LARGE1: variants seen among roughly 807,000 people sequenced by gnomAD.
LARGE1 encodes the protein LARGE xylosyl- and glucuronyltransferase 1, also known as xylosyl- and glucuronyltransferase LARGE1.
LARGE1 carries 43 observed loss-of-function variants against 87.6 expected under a neutral mutation model. The observed-to-expected ratio is 0.49, with a 90% confidence interval of 0.38 to 0.63. The LOEUF (loss-of-function observed/expected upper bound fraction) is 0.63. Ranked by LOEUF, LARGE1 falls within the 30% of genes least tolerant of loss-of-function variation. LARGE1 has a pLI of 0.00. For missense variants in LARGE1, 802 were observed against 1,000.2 expected, an observed-to-expected ratio of 0.80 and a Z score of 2.67; for synonymous variants, 434 against 394.6, an observed-to-expected ratio of 1.10 and a Z score of -1.18.
the LARGE1 span, among the ~76,000 whole-genome samples, chr22:33,134,380 T>C: frequency 1.0e-3 from 151 of 150,344 alleles, no homozygotes; most frequent in African/African-American, 3.6e-3. Flanking sequence ...TGCCTCAGCC[T>C]CCCGAGTAGC....
chr22:33,141,494 CT>C, the LARGE1 span, among the ~76,000 whole-genome samples: 2 of 151,872 alleles, frequency 1.3e-5, no homozygotes, highest in African/African-American at 4.8e-5. Flanking sequence ...TATTTCTTGC[CT>C]TTTTATAGTT....
chr22:33,145,627 A>G, the LARGE1 span, among the ~76,000 whole-genome samples: 1 of 152,192 alleles, frequency 6.6e-6, no homozygotes, highest in Non-Finnish European at 1.5e-5. Context: ...GAACTTATCT[A>G]ACTGTATTCT....
chr22:33,461,832 C>T lies in LARGE1; in HGVS notation c.788-29567G>A, dbSNP rs78474487. ...ACACTCAGGATGCCCTATGGAGAGG[C>T]CCACATAGAGGAAAAATGATGCCCA... On this transcript the variant is annotated intron_variant, in intron 6 of 14. Transcript: ENST00000397394. 2.8e-3 allele frequency among the ~76,000 whole-genome samples: 433 copies of T among 152,102 alleles called. 2 individuals are homozygous for T. Among genetic ancestry groups the T allele is most frequent in the African/African-American group, 0.01 (416 of 41,472 alleles).
chr22:33,582,625 C>A (rs940393958), intron 5 of LARGE1, among the ~76,000 whole-genome samples: 1 of 152,186 alleles, frequency 6.6e-6, no homozygotes, highest in Non-Finnish European at 1.5e-5. Context: ...AGGGATTACG[C>A]CTTTCCACTG....
At chr22:33,275,931 T>TA (rs920464533) in intron 14 of LARGE1, among the ~76,000 whole-genome samples, 2 of 152,194 alleles carry the variant, frequency 1.3e-5, no homozygotes, top group Non-Finnish European at 2.9e-5. Flanking sequence ...CAAAGTATTA[T>TA]AAAAAATATG....
chr22:33,730,581 T>C (rs147983282), intron 2 of LARGE1, among the ~76,000 whole-genome samples: 2 of 152,338 alleles, frequency 1.3e-5, no homozygotes, highest in East Asian at 1.9e-4. Context: ...TCAACTGTAA[T>C]ATGACTGTAT....
intron 1 of LARGE1, among the ~76,000 whole-genome samples, chr22:33,840,731 C>T (rs1460108831): frequency 2.0e-5 from 3 of 151,804 alleles, no homozygotes; most frequent in Admixed American, 6.6e-5. Context: ...AGCACAGTGG[C>T]GTGATCACGG....
downstream of LARGE1, among the ~76,000 whole-genome samples, chr22:33,160,696 T>A (rs1253661857): frequency 6.6e-6 from 1 of 152,244 alleles, no homozygotes; most frequent in Non-Finnish European, 1.5e-5. Flanking sequence ...GATGGGAGGT[T>A]GCGTGGAGGC....
chr22:33,821,357 C>T (rs1407785777), intron 1 of LARGE1, among the ~76,000 whole-genome samples: 1 of 152,158 alleles, frequency 6.6e-6, no homozygotes, highest in Non-Finnish European at 1.5e-5. Flanking sequence ...AAGCTTGGAA[C>T]AGTGCCTGAC....
At chr22:33,890,790 G>A (rs1193852643) in intron 1 of LARGE1, among the ~76,000 whole-genome samples, 1 of 151,390 alleles carries the variant, frequency 6.6e-6, no homozygotes, top group African/African-American at 2.4e-5. Context: ...CATAATTTTG[G>A]GGTGGGGGCG....
Position 33,245,316 on chromosome 22 carries a change from G to A in LARGE1, c.1730+58913C>T, listed in dbSNP as rs140130754. 3.5e-4 allele frequency among the ~76,000 whole-genome samples: 54 copies of A among 152,286 alleles called. 1 individual carries two copies. Among genetic ancestry groups the A allele is most frequent in the African/African-American group, 1.2e-3 (48 of 41,548 alleles). ...TGACTCTCTCGTGGAGCTTTCCTGGGTGTTTTTCTGCTAGAGTTTTGGCTT... is the reference window on the plus strand; with the variant it reads ...TGACTCTCTCGTGGAGCTTTCCTGGATGTTTTTCTGCTAGAGTTTTGGCTT... On this transcript the variant is annotated intron_variant, in intron 11 of 11. Transcript: ENST00000608642.
In LARGE1 at chr22:33,180,644, G is replaced by A. The variant is rs553388388; in HGVS notation, c.1731-13812C>T. Among the ~76,000 whole-genome samples the A allele has an allele frequency of 1.0e-3, 152 of 152,318 alleles. 1 individual carries two copies. Among genetic ancestry groups the A allele is most frequent in the African/African-American group, 3.5e-3 (145 of 41,570 alleles). On this transcript the variant is annotated intron_variant, in intron 11 of 11. Coordinates refer to the LARGE1 transcript ENST00000608642. Reference sequence around the variant, plus strand: ...ACAATTATTCATAGCAGCATTATTCGTAACAGCCAAAAGGTGGAAACAACC... The same window carrying A: ...ACAATTATTCATAGCAGCATTATTCATAACAGCCAAAAGGTGGAAACAACC...
chr22:33,404,482 C>T (rs2066029167), intron 7 of LARGE1, among the ~76,000 whole-genome samples: 1 of 152,196 alleles, frequency 6.6e-6, no homozygotes, highest in African/African-American at 2.4e-5. Flanking sequence ...GAAAGTGGCT[C>T]TGGCAGCCAT....
At position 33,639,825 on chromosome 22, in the gene LARGE1, C is replaced by A. The variant is rs546872732; in HGVS notation, c.408+10542G>T. 5.9e-5 allele frequency among the ~76,000 whole-genome samples: 9 copies of A among 152,272 alleles called. No homozygotes were observed. In the South Asian group the frequency reaches 1.7e-3, roughly 28 times the overall value. On this transcript the variant is annotated intron_variant, in intron 3 of 14. Transcript: ENST00000397394. The stretch of plus-strand genomic sequence containing the variant: ...TCCAACTTCTGAGGCACACAGAGGC[C>A]AGGCCATCACTGAAACAGCACTGCA...
chr22:33,429,981 C>A (rs2067020385), intron 7 of LARGE1, among the ~76,000 whole-genome samples: 1 of 152,180 alleles, frequency 6.6e-6, no homozygotes, highest in Non-Finnish European at 1.5e-5. Context: ...CATTCTGCCC[C>A]AGAAACATCC....
chr22:33,098,725 C>A, the LARGE1 span, among the ~76,000 whole-genome samples: 1 of 152,166 alleles, frequency 6.6e-6, no homozygotes, highest in Non-Finnish European at 1.5e-5. Context: ...AGAAACCTTC[C>A]TAGAGCTGGC....
rs376353015 is a variant in LARGE1, at chr22:33,315,006, G to A, written c.1451+1079C>T. Among the ~76,000 whole-genome samples, 6 of 152,120 alleles carry A rather than the reference G, an allele frequency of 3.9e-5. No individual in the cohort carries two copies. The South Asian group carries it at 1.2e-3, about 32-fold the overall frequency. ...GGGAGGATCACGAGGTCAGGAGATC[G>A]AGACTATCCAGGCCAACACGATGAA... On this transcript the variant is annotated intron_variant, in intron 11 of 14. Transcript: ENST00000397394.
intron 11 of LARGE1, among the ~76,000 whole-genome samples, chr22:33,211,823 C>T (rs1224608439): frequency 4.6e-5 from 7 of 152,078 alleles, no homozygotes; most frequent in Non-Finnish European, 8.8e-5. Flanking sequence ...GATAAGAAAG[C>T]CAAACAGCCT....
intron 7 of LARGE1, among the ~76,000 whole-genome samples, chr22:33,412,290 C>CATATATATAT (rs60502247): frequency 1.3e-5 from 2 of 149,314 alleles, no homozygotes; most frequent in African/African-American, 4.9e-5. Flanking sequence ...ATCTCAAAGT[C>CATATATATAT]ATATATATAT....
Sources: allele counts gnomAD v4.1 joint callset (sites outside exome capture counted in the v4.1 genomes callset), GRCh38; gene constraint gnomAD v4.1.1; transcripts MANE v1.5; gene names NCBI Gene and HGNC (gene_info 2026-07-23, HGNC 2026-07-21).